GATA4: variants seen among roughly 807,000 people sequenced by gnomAD.
The protein encoded by GATA4 is transcription factor GATA-4.
A neutral mutation model predicts 37.9 loss-of-function variants in GATA4; 7 were observed. That is an observed-to-expected ratio of 0.18 (90% CI 0.11 to 0.35). GATA4 has a LOEUF of 0.35. Among genes scored for constraint, GATA4 ranks in the 10% least tolerant of loss-of-function variants. GATA4 has a pLI of 1.00. For missense variants in GATA4, 647 were observed against 653.0 expected, an observed-to-expected ratio of 0.99 and a Z score of 0.10; for synonymous variants, 372 against 292.6, an observed-to-expected ratio of 1.27 and a Z score of -2.77.
chr8:11,680,678 AC>A lies in GATA4; in HGVS notation c.-274+3623del, dbSNP rs373755296. 59 of 975,318 alleles carry A rather than the reference AC, an allele frequency of 6.0e-5. No individual in the cohort carries two copies. The African/African-American group carries it at 6.7e-4, about 11-fold the overall frequency. 60.4% of individuals were successfully genotyped at this position (975,318 alleles called of 1,614,324 possible). A position where few individuals can be genotyped will look rare whatever the true frequency, so the allele number is the denominator to read the frequency against. ...TCTCGGGTCGCCCTTTGCGTCAGAGACCCCCCCCTTGGGGAGACCGGAATCC... is the reference window on the plus strand; with the variant it reads ...TCTCGGGTCGCCCTTTGCGTCAGAGACCCCCCCTTGGGGAGACCGGAATCC... On this transcript the variant is annotated intron_variant, in intron 1 of 6. Coordinates refer to the GATA4 transcript ENST00000528712.
At chr8:11,679,800 T>G (rs1013823427) in intron 1 of GATA4, among the ~76,000 whole-genome samples, 1 of 151,980 alleles carries the variant, frequency 6.6e-6, no homozygotes, top group Non-Finnish European at 1.5e-5. Flanking sequence ...CCCCGAATAA[T>G]GGAAACGCAG....
intron 2 of GATA4, among the ~76,000 whole-genome samples, chr8:11,731,510 G>A (rs1344891603): frequency 6.6e-6 from 1 of 152,212 alleles, no homozygotes; most frequent in South Asian, 2.1e-4. Flanking sequence ...CACTTCTGTG[G>A]GGCCCCCAGA....
intron 2 of GATA4, among the ~76,000 whole-genome samples, chr8:11,712,315 A>T (rs1187458852): frequency 6.6e-6 from 1 of 152,156 alleles, no homozygotes; most frequent in East Asian, 1.9e-4. Flanking sequence ...CAATGTGAAA[A>T]TGGGTGCATT....
chr8:11,708,801 G>T lies in GATA4; in HGVS notation c.489G>T (p.Pro163=), dbSNP rs1256296262. 2 of 1,477,810 alleles carry T rather than the reference G, an allele frequency of 1.4e-6. No individual in the cohort carries two copies. The highest frequency in any genetic ancestry group is 2.9e-5 in the East Asian group (1 of 35,000). 91.5% of individuals were successfully genotyped at this position (1,477,810 alleles called of 1,614,324 possible). A position where few individuals can be genotyped will look rare whatever the true frequency, so the allele number is the denominator to read the frequency against. The change falls in exon 2 of 7, where the codon CCG becomes CCT. Residue 163 remains proline (P), a synonymous_variant. Transcript: ENST00000532059. This position sits in a 1 kb window ranked among gnomAD's most constrained non-coding sequence, Gnocchi z 6.7. ...GFAGSYSSPY[P]AYMADVGASW... ...CGGGCTCCTACTCCAGCCCCTACCC[G>T]GCTTACATGGCCGACGTGGGCGCGT...
intron 2 of GATA4, among the ~76,000 whole-genome samples, chr8:11,728,282 C>T (rs548324469): frequency 1.1e-4 from 16 of 152,372 alleles, no homozygotes; most frequent in African/African-American, 3.8e-4. Context: ...AGCCTCTGCA[C>T]CCAGCCAAAT....
intron 1 of GATA4, among the ~76,000 whole-genome samples, chr8:11,704,635 GTGA>G (rs1799811655): frequency 6.6e-6 from 1 of 152,230 alleles, no homozygotes; most frequent in Admixed American, 6.5e-5. Context: ...GGCCTGGGTG[GTGA>G]TGGTGGCCGC....
chr8:11,713,633 A>C (rs1800299311), intron 2 of GATA4, among the ~76,000 whole-genome samples: 1 of 151,478 alleles, frequency 6.6e-6, no homozygotes, highest in South Asian at 2.1e-4. Context: ...AAATTTCTGA[A>C]AAGCAAAAAA....
chr8:11,719,567 C>G (rs926026042), intron 2 of GATA4, among the ~76,000 whole-genome samples: 3 of 151,900 alleles, frequency 2.0e-5, no homozygotes, highest in Non-Finnish European at 2.9e-5. Flanking sequence ...AAATGGAAAA[C>G]TCACATAAAC....
At chr8:11,711,451 G>A (rs1168431251) in intron 2 of GATA4, among the ~76,000 whole-genome samples, 3 of 152,186 alleles carry the variant, frequency 2.0e-5, no homozygotes, top group Admixed American at 1.3e-4. Flanking sequence ...GTGTTATGCA[G>A]GTGGCACTTA....
intron 2 of GATA4, among the ~76,000 whole-genome samples, chr8:11,726,744 G>A (rs1283631734): frequency 1.3e-5 from 2 of 152,138 alleles, no homozygotes; most frequent in African/African-American, 2.4e-5. Context: ...GTGTGCCCCC[G>A]TGTTTGCCTG....
chr8:11,723,596 G>T (rs889388614), intron 2 of GATA4, among the ~76,000 whole-genome samples: 2 of 152,214 alleles, frequency 1.3e-5, no homozygotes, highest in Non-Finnish European at 2.9e-5. Flanking sequence ...TGTTAGTGAG[G>T]AATGGCGTTT....
At chr8:11,690,967 CTTGAAT>C (rs940276501), upstream of GATA4, among the ~76,000 whole-genome samples, 1 of 152,212 alleles carries the variant, frequency 6.6e-6, no homozygotes, top group Non-Finnish European at 1.5e-5. Context: ...AGTCAACCTA[CTTGAAT>C]TTAAGTCTTG....
At chr8:11,694,938 G>A (rs1165064763) in intron 1 of GATA4, among the ~76,000 whole-genome samples, 2 of 152,166 alleles carry the variant, frequency 1.3e-5, no homozygotes, top group African/African-American at 4.8e-5. Context: ...GCAGTCAGTG[G>A]CTTTGGGCTC....
In GATA4 at chr8:11,708,748, C is replaced by G; in HGVS notation, c.436C>G (p.Arg146Gly). The change falls in exon 2 of 7, where the codon CGC (arginine) becomes GGC (glycine). Residue 146 changes from arginine to glycine, a missense_variant. Around this residue, in one of 5 missense-constraint regions of GATA4, gnomAD observed 379 missense variants for 334.5 expected, o/e 1.13. Transcript: ENST00000532059. This position sits in a 1 kb window ranked among gnomAD's most constrained non-coding sequence, Gnocchi z 6.7. ...AGCGGCGGGTGCGGGCCTGGCGGGCCGCGAGCAGTACGGGCGCGCCGGCTT... is the reference window on the plus strand; with the variant it reads ...AGCGGCGGGTGCGGGCCTGGCGGGCGGCGAGCAGTACGGGCGCGCCGGCTT... ...GGAAGAGLAG[R>G]EQYGRAGFAG... The G allele has an allele frequency of 7.4e-7, 1 of 1,349,918 alleles. No homozygotes were observed. Among genetic ancestry groups the G allele is most frequent in the Non-Finnish European group, 9.5e-7 (1 of 1,057,274 alleles). The allele number at this position is 1,349,918 out of a possible 1,614,324, so 83.6% of individuals were successfully genotyped here.
At chr8:11,705,168 G>A (rs1431905700) in intron 1 of GATA4, among the ~76,000 whole-genome samples, 4 of 152,342 alleles carry the variant, frequency 2.6e-5, no homozygotes, top group African/African-American at 9.6e-5. Flanking sequence ...GGAATCCCTG[G>A]GGCAGCGCGG....
rs1229684240 is a variant in GATA4 at position 11,680,904 on chromosome 8, G to A, written c.-274+3841G>A. 5.1e-6 allele frequency: 5 copies of A among 985,222 alleles called. No homozygotes were observed. In the Admixed American group the frequency reaches 3.1e-4, roughly 61 times the overall value. The allele number at this position is 985,222 out of a possible 1,614,324, so 61.0% of individuals were successfully genotyped here. On this transcript the variant is annotated intron_variant, in intron 1 of 6. Transcript: ENST00000528712. ...CGACCCCCTGTGTGAGACCCCTAAA[G>A]AGGCCAAGGATCACAGTAGGTGTTT...
At chr8:11,697,285 C>A (rs1407670883) in intron 1 of GATA4, among the ~76,000 whole-genome samples, 1 of 152,246 alleles carries the variant, frequency 6.6e-6, no homozygotes, top group Admixed American at 6.5e-5. Flanking sequence ...TGAGTGGAAA[C>A]CAGCCGCAAA....
chr8:11,740,436 C>T (rs1354072054), intron 2 of GATA4, among the ~76,000 whole-genome samples: 1 of 152,188 alleles, frequency 6.6e-6, no homozygotes, highest in Non-Finnish European at 1.5e-5. Context: ...GGGAGGCGGA[C>T]GGCACAAAGA....
At chr8:11,745,343 G>A (rs909649513) in intron 2 of GATA4, among the ~76,000 whole-genome samples, 4 of 151,322 alleles carry the variant, frequency 2.6e-5, no homozygotes, top group Non-Finnish European at 5.9e-5. Context: ...GAAGGCTGAG[G>A]TGGGAGGATC....
Sources: allele counts gnomAD v4.1 joint callset (sites outside exome capture counted in the v4.1 genomes callset), GRCh38; gene constraint gnomAD v4.1.1; regional missense constraint gnomAD v4.1.1; non-coding constraint Gnocchi (gnomAD v3.1); transcripts MANE v1.5; gene names NCBI Gene and HGNC (gene_info 2026-07-23, HGNC 2026-07-21).